HIVEP2: variants seen among roughly 807,000 people sequenced by gnomAD.
The protein encoded by HIVEP2 is HIVEP zinc finger 2, also known as transcription factor HIVEP2.
In HIVEP2, 14 loss-of-function variants were observed where a neutral mutation model predicts 180.7. The observed-to-expected ratio is 0.08, with a 90% CI of 0.05 to 0.12. HIVEP2 has a LOEUF of 0.12. Ranked by LOEUF, HIVEP2 falls within the 10% of genes least tolerant of loss-of-function variation. The pLI is 1.00. For synonymous variants in HIVEP2, 1,184 were observed against 1,136.4 expected (o/e 1.04, Z -0.84); for missense variants, 2,579 against 3,008.5 (o/e 0.86, Z 3.34).
chr6:142,808,689 G>C (rs1158355908), intron 2 of HIVEP2, among the ~76,000 whole-genome samples: 1 of 149,038 alleles, frequency 6.7e-6, no homozygotes, highest in Non-Finnish European at 1.5e-5. Context: ...TGGATGAATA[G>C]AAGGATGGAT....
intron 1 of HIVEP2, among the ~76,000 whole-genome samples, chr6:142,931,459 TG>T (rs1457546966): frequency 2.0e-5 from 3 of 152,106 alleles, no homozygotes; most frequent in Non-Finnish European, 4.4e-5. Flanking sequence ...CAGTATGGCA[TG>T]TCATTTATAT....
intron 1 of HIVEP2, among the ~76,000 whole-genome samples, chr6:142,939,346 T>C (rs1778122521): frequency 6.6e-6 from 1 of 152,144 alleles, no homozygotes; most frequent in South Asian, 2.1e-4. Flanking sequence ...TCATCCCATA[T>C]ACCCTCATAA....
chr6:142,787,030 T>TG (rs1239856163), intron 2 of HIVEP2, among the ~76,000 whole-genome samples: 1 of 152,100 alleles, frequency 6.6e-6, no homozygotes, highest in Non-Finnish European at 1.5e-5. Context: ...CCCAGCACTT[T>TG]GGGAGGATTG....
At chr6:142,816,985 C>G (rs1232087347) in intron 2 of HIVEP2, among the ~76,000 whole-genome samples, 1 of 151,956 alleles carries the variant, frequency 6.6e-6, no homozygotes, top group African/African-American at 2.4e-5. Context: ...TCCTTGAGGA[C>G]AGGACACACT....
intron 2 of HIVEP2, among the ~76,000 whole-genome samples, chr6:142,833,437 G>A (rs1012664679): frequency 6.6e-6 from 1 of 152,166 alleles, no homozygotes; most frequent in Admixed American, 6.5e-5. Context: ...ACTGCAAACT[G>A]AAGGAGACAG....
chr6:142,802,552 G>C (rs1008737000), intron 2 of HIVEP2, among the ~76,000 whole-genome samples: 3 of 151,996 alleles, frequency 2.0e-5, no homozygotes, highest in African/African-American at 4.8e-5. Flanking sequence ...ACTACTATAC[G>C]TAAATCATGT....
intron 2 of HIVEP2, among the ~76,000 whole-genome samples, chr6:142,786,966 G>C (rs2114707768): frequency 6.6e-6 from 1 of 152,210 alleles, no homozygotes; most frequent in South Asian, 2.1e-4. Context: ...GATGAGCATT[G>C]TCATAATTAA....
Position 142,774,490 on chromosome 6 carries a change from T to C in HIVEP2, c.249A>G (p.Gln83=). The change falls in exon 5 of 10, where the codon CAA becomes CAG. Residue 83 remains glutamine (Q), a synonymous_variant. Coordinates refer to ENST00000367603, the MANE Select transcript of HIVEP2 (RefSeq NM_006734.4). This position sits in a 1 kb window ranked among gnomAD's most constrained non-coding sequence, Gnocchi z 5.1. ...AAGGACTCGGACGATGCGGTGGATA[T>C]TGCTTCTCTGCGACTTGCTGCACCA... is the stretch of plus-strand genomic sequence containing the variant. ...SEVVQQVAEK[Q]YPPHRPSPYS... The C allele has an allele frequency of 1.9e-6, 3 of 1,614,040 alleles. No individual in the cohort carries two copies. Among genetic ancestry groups the C allele is most frequent in the Non-Finnish European group, 2.5e-6 (3 of 1,180,006 alleles).
intron 1 of HIVEP2, among the ~76,000 whole-genome samples, chr6:142,905,627 T>TC (rs1255402967): frequency 6.6e-6 from 1 of 152,258 alleles, no homozygotes; most frequent in Non-Finnish European, 1.5e-5. Flanking sequence ...AGATTCACTG[T>TC]ACTCAGAAAT....
chr6:142,862,519 A>C (rs1776011856), intron 1 of HIVEP2, among the ~76,000 whole-genome samples: 1 of 120,590 alleles, frequency 8.3e-6, no homozygotes, highest in African/African-American at 4.5e-5. Context: ...TTTATAATAC[A>C]TATAATCGAT....
chr6:142,942,071 T>G (rs1413663325), intron 1 of HIVEP2, among the ~76,000 whole-genome samples: 1 of 152,224 alleles, frequency 6.6e-6, no homozygotes. Context: ...CTTTACATCC[T>G]CATGGATTAT....
chr6:142,819,986 C>T (rs954932983), intron 2 of HIVEP2, among the ~76,000 whole-genome samples: 8 of 152,076 alleles, frequency 5.3e-5, no homozygotes, highest in African/African-American at 1.7e-4. Flanking sequence ...ATCTGTGGTG[C>T]TAATCAAGGA....
intron 1 of HIVEP2, among the ~76,000 whole-genome samples, chr6:142,873,782 T>A (rs181385488): frequency 5.6e-4 from 85 of 152,300 alleles, no homozygotes; most frequent in African/African-American, 1.9e-3. Flanking sequence ...TAAATTAACA[T>A]ATTCATAAAA....
chr6:142,895,847 T>A (rs910362900), intron 1 of HIVEP2, among the ~76,000 whole-genome samples: 3 of 152,182 alleles, frequency 2.0e-5, no homozygotes, highest in Non-Finnish European at 4.4e-5. Flanking sequence ...CCTGTTTCAT[T>A]TGAGTTTACC....
chr6:142,859,869 AAAAAGAAAAAAAAG>A (rs1044996008), intron 1 of HIVEP2, among the ~76,000 whole-genome samples: 3 of 151,086 alleles, frequency 2.0e-5, no homozygotes, highest in Non-Finnish European at 2.9e-5. Context: ...AGAAAGAAAG[AAAAAGAAAAAAAAG>A]AAAAGAAAAT....
At chr6:142,895,040 A>C (rs1038616671) in intron 1 of HIVEP2, among the ~76,000 whole-genome samples, 1 of 152,242 alleles carries the variant, frequency 6.6e-6, no homozygotes, top group Admixed American at 6.5e-5. Context: ...CTGCTCCATG[A>C]CCAAAAATAT....
rs1775239427 is a variant in HIVEP2, at chr6:142,761,580, A to C, written c.5519-15T>G. ...CGTTAGGTTTCCTTGAAAATGTAGC[A>C]AAAAAAAGAGAGAAATTAATTGGTT... On this transcript the variant is annotated splice_polypyrimidine_tract_variant and intron_variant, in intron 7 of 9. Coordinates refer to ENST00000367603, the MANE Select transcript of HIVEP2 (RefSeq NM_006734.4). 4.4e-6 allele frequency: 6 copies of C among 1,356,574 alleles called. No individual in the cohort carries two copies. The highest frequency in any genetic ancestry group is 6.2e-6 in the Non-Finnish European group (6 of 965,038). 84.0% of individuals were successfully genotyped at this position (1,356,574 alleles called of 1,614,324 possible). A position where few individuals can be genotyped will look rare whatever the true frequency, so the allele number is the denominator to read the frequency against.
chr6:142,770,068 A>C lies in HIVEP2; in HGVS notation c.4671T>G (p.Ser1557Arg). 1.2e-6 allele frequency: 2 copies of C among 1,614,124 alleles called. No homozygotes were observed. Among genetic ancestry groups the C allele is most frequent in the Non-Finnish European group, 1.7e-6 (2 of 1,180,036 alleles). Reference protein sequence around the residue: ...SRAPLPGQKSSGPSESKESSD... With the variant: ...SRAPLPGQKSRGPSESKESSD... ...AAGATTCTTTGCTTTCAGAAGGCCC[A>C]CTGGACTTCTGCCCCGGAAGTGGTG... The change falls in exon 5 of 10, where the codon AGT becomes AGG. Residue 1557 changes from serine to arginine, a missense_variant. Physicochemically the swap from Ser to Arg is moderately radical, Grantham distance 110 (BLOSUM62 -1). Coordinates refer to ENST00000367603, the MANE Select transcript of HIVEP2 (RefSeq NM_006734.4). The surrounding 1 kb of genome is among the most constrained non-coding windows in gnomAD (Gnocchi z 4.7).
intron 2 of HIVEP2, among the ~76,000 whole-genome samples, chr6:142,793,663 C>CT (rs1554279279): frequency 3.7e-5 from 4 of 109,476 alleles, no homozygotes; most frequent in Non-Finnish European, 7.3e-5. Context: ...TTTCTTTTTT[C>CT]TTTCTTTCTT....
Sources: gnomAD v4.1 joint callset for allele counts (sites outside exome capture counted in the v4.1 genomes callset) on GRCh38, gnomAD v4.1.1 for gene constraint, Gnocchi (gnomAD v3.1) non-coding constraint, MANE v1.5 for transcripts, NCBI Gene and HGNC (gene_info 2026-07-23, HGNC 2026-07-21) for gene names.